The following ATP2A2 variants were observed in gnomAD, a reference collection of about 807,000 sequenced individuals.
ATP2A2 encodes the protein ATPase sarcoplasmic/endoplasmic reticulum Ca2+ transporting 2, also known as sarcoplasmic/endoplasmic reticulum calcium ATPase 2.
In ATP2A2, 14 loss-of-function variants were observed where a neutral mutation model predicts 109.3. The ratio of observed to expected loss-of-function variants is 0.13; its 90% CI spans 0.08 to 0.20. The LOEUF is 0.20. Ranked by LOEUF, ATP2A2 falls within the 10% of genes least tolerant of loss-of-function variation. The probability of loss-of-function intolerance (pLI) is 1.00; values close to 1 mark genes in which losing one functional copy is unlikely to be tolerated. For synonymous variants in ATP2A2, 506 were observed against 490.9 expected, an observed-to-expected ratio of 1.03 and a Z score of -0.41; for missense variants, 657 against 1,321.6, an observed-to-expected ratio of 0.50 and a Z score of 7.80.
At chr12:110,305,161 T>C (rs527673707) in intron 5 of ATP2A2, among the ~76,000 whole-genome samples, 1 of 152,282 alleles carries the variant, frequency 6.6e-6, no homozygotes, top group Admixed American at 6.5e-5. Flanking sequence ...CTTGAACTCC[T>C]GACTTCAAAT....
chr12:110,324,170 A>G (rs1877528358), intron 6 of ATP2A2, among the ~76,000 whole-genome samples: 1 of 152,250 alleles, frequency 6.6e-6, no homozygotes, highest in African/African-American at 2.4e-5. Context: ...AATAGTAAAC[A>G]TAAAGTCTAA....
At chr12:110,334,737 G>A (rs1226743960) in intron 11 of ATP2A2, among the ~76,000 whole-genome samples, 1 of 151,842 alleles carries the variant, frequency 6.6e-6, no homozygotes, top group Non-Finnish European at 1.5e-5. Context: ...ACAGGCACAC[G>A]CCACCACGCC....
At chr12:110,335,186 C>T (rs889962328) in intron 11 of ATP2A2, among the ~76,000 whole-genome samples, 3 of 152,192 alleles carry the variant, frequency 2.0e-5, no homozygotes, top group African/African-American at 7.2e-5. Context: ...GCCAAGACCA[C>T]CATACTGGAC....
In ATP2A2 at chr12:110,340,626, C is replaced by T. The variant is rs760173296; in HGVS notation, c.1762-33C>T. 12 of 1,606,376 alleles carry T rather than the reference C, an allele frequency of 7.5e-6. No individual in the cohort carries two copies. In the South Asian group the frequency reaches 1.3e-4, roughly 18 times the overall value. The stretch of plus-strand genomic sequence containing the variant: ...ACTAGGGGACAAAAACTAGAACTTG[C>T]CACTTTTATTTAAAGTGATGCTCTT... On this transcript the variant is annotated intron_variant, in intron 13 of 19. Transcript: ENST00000539276. This position sits in a 1 kb window ranked among gnomAD's most constrained non-coding sequence, Gnocchi z 6.0.
chr12:110,309,877 C>T (rs974800617), intron 5 of ATP2A2, among the ~76,000 whole-genome samples: 1 of 150,942 alleles, frequency 6.6e-6, no homozygotes, highest in Non-Finnish European at 1.5e-5. Flanking sequence ...CCACTGCACT[C>T]CAGCGTGGGC....
intron 11 of ATP2A2, among the ~76,000 whole-genome samples, chr12:110,336,419 C>G (rs1400820089): frequency 2.0e-5 from 3 of 152,172 alleles, no homozygotes; most frequent in African/African-American, 7.2e-5. Context: ...TTCATCCCTT[C>G]CTGGATAATA....
Position 110,342,497 on chromosome 12 carries a change from G to A in ATP2A2, c.2318+49G>A. 6.3e-7 allele frequency: 1 copy of A among 1,587,236 alleles called. No homozygotes were observed. The highest frequency in any genetic ancestry group is 8.6e-7 in the Non-Finnish European group (1 of 1,160,176). ...TTACTGTACGCCTTTATCTAAATGG[G>A]TCATGGAGCCCAGTTCTCGCAGTTT... is the stretch of plus-strand genomic sequence containing the variant. On this transcript the variant is annotated intron_variant, in intron 15 of 19. Coordinates refer to ENST00000539276, the MANE Select transcript of ATP2A2 (RefSeq NM_170665.4). The surrounding 1 kb of genome is among the most constrained non-coding windows in gnomAD (Gnocchi z 4.6).
rs528087628 is a variant in ATP2A2, at chr12:110,288,290, C to T, written c.220-3730C>T. Among the ~76,000 whole-genome samples, 17 of 151,838 alleles carry T rather than the reference C, an allele frequency of 1.1e-4. 1 individual carries two copies. The highest frequency in any genetic ancestry group is 3.9e-4 in the African/African-American group (16 of 41,362). ...TTAAAAAAAAATTTTTTTTTATACA[C>T]ATAGGGTCTCACTATGTTACTCAAG... On this transcript the variant is annotated intron_variant, in intron 3 of 19. Coordinates refer to ENST00000539276, the MANE Select transcript of ATP2A2 (RefSeq NM_170665.4).
chr12:110,320,033 G>A (rs1055435139), intron 5 of ATP2A2, among the ~76,000 whole-genome samples: 2 of 152,066 alleles, frequency 1.3e-5, no homozygotes, highest in African/African-American at 4.8e-5. Context: ...TTTTGGGTAA[G>A]GGATACTCAA....
Position 110,347,029 on chromosome 12 carries a change from ACCCCACCTCT to A in ATP2A2, c.*568_*577del. The A allele has an allele frequency of 2.7e-6, 1 of 367,860 alleles. No individual in the cohort carries two copies. The highest frequency in any genetic ancestry group is 3.3e-6 in the Non-Finnish European group (1 of 298,820). The allele number at this position is 367,860 out of a possible 1,614,324, so 22.8% of individuals were successfully genotyped here. ...CTTTGGCCTCCGTTCACCCCACCCC[ACCCCACCTCT>A]CCCCACCTTACCCCCGCCCCGCTTG... On this transcript the variant is annotated 3_prime_UTR_variant, in exon 20 of 20. Transcript: ENST00000539276.
chr12:110,329,016 TAG>T (rs1463108200), intron 8 of ATP2A2, among the ~76,000 whole-genome samples: 1 of 152,218 alleles, frequency 6.6e-6, no homozygotes, highest in African/African-American at 2.4e-5. Context: ...AAAAAGTAGA[TAG>T]TCATCTCTCT....
intron 14 of ATP2A2, among the ~76,000 whole-genome samples, 174 bp downstream of exon 14, chr12:110,341,168 G>A (rs1009622324): frequency 3.3e-5 from 5 of 152,166 alleles, no homozygotes; most frequent in Admixed American, 6.5e-5. Context: ...GCTACTTGCA[G>A]GGAAGATCCT....
At chr12:110,316,841 C>T (rs1023938458) in intron 5 of ATP2A2, among the ~76,000 whole-genome samples, 5 of 152,096 alleles carry the variant, frequency 3.3e-5, no homozygotes, top group African/African-American at 1.2e-4. Flanking sequence ...GTGTGTGATG[C>T]TCAGAGGGAG....
intron 5 of ATP2A2, among the ~76,000 whole-genome samples, chr12:110,299,458 T>TA (rs1373477470): frequency 3.3e-5 from 5 of 152,156 alleles, no homozygotes. Context: ...TAGTGGCTCT[T>TA]AAGCAGGAGT....
At chr12:110,282,936 C>T (rs528149883) in intron 3 of ATP2A2, 141 bp downstream of exon 3, 8 of 787,246 alleles carry the variant, frequency 1.0e-5, no homozygotes, top group South Asian at 1.6e-5. Context: ...ACAATCTGGG[C>T]ATTTTAAAAT....
chr12:110,281,688 G>A lies in ATP2A2; in HGVS notation c.-102G>A, dbSNP rs1412958266. ...AAGAGGAGGAGGGGAGAGCCCGTCC[G>A]CGCCTGGGCTCCCGGGGTGGCACGA... On this transcript the variant is annotated 5_prime_UTR_variant, in exon 1 of 20. Coordinates refer to ENST00000539276, the MANE Select transcript of ATP2A2 (RefSeq NM_170665.4). 2 of 752,110 alleles carry A rather than the reference G, an allele frequency of 2.7e-6. No homozygotes were observed. Among genetic ancestry groups the A allele is most frequent in the South Asian group, 2.6e-5 (1 of 37,906 alleles). The allele number at this position is 752,110 out of a possible 1,614,324, so 46.6% of individuals were successfully genotyped here.
chr12:110,286,571 G>A (rs1872682254), intron 3 of ATP2A2, among the ~76,000 whole-genome samples: 1 of 152,080 alleles, frequency 6.6e-6, no homozygotes, highest in Non-Finnish European at 1.5e-5. Context: ...AGAAGGGAAC[G>A]AGTTCTAATT....
Position 110,339,825 on chromosome 12 carries a change from AAG to A in ATP2A2, c.1761+107_1761+108del, listed in dbSNP as rs1879180021. The A allele has an allele frequency of 2.3e-6, 3 of 1,284,378 alleles. No individual in the cohort carries two copies. Among genetic ancestry groups the A allele is most frequent in the Non-Finnish European group, 3.3e-6 (3 of 903,686 alleles). The allele number at this position is 1,284,378 out of a possible 1,614,324, so 79.6% of individuals were successfully genotyped here. On this transcript the variant is annotated intron_variant, in intron 13 of 19. Coordinates refer to ENST00000539276, the MANE Select transcript of ATP2A2 (RefSeq NM_170665.4). This position sits in a 1 kb window ranked among gnomAD's most constrained non-coding sequence, Gnocchi z 4.4. Reference sequence around the variant, plus strand: ...CAAACAGTTCTCACTTTTGCCAAGAAAGAGGTGTGGTTATTTGTTTTTCTGCC... The same window carrying A: ...CAAACAGTTCTCACTTTTGCCAAGAAAGGTGTGGTTATTTGTTTTTCTGCC...
At position 110,349,217 on chromosome 12, in the gene ATP2A2, A is replaced by T; in HGVS notation, c.*2747A>T. 1.0e-6 allele frequency: 1 copy of T among 985,544 alleles called. No homozygotes were observed. The highest frequency in any genetic ancestry group is 1.2e-6 in the Non-Finnish European group (1 of 830,008). 61.0% of individuals were successfully genotyped at this position (985,544 alleles called of 1,614,324 possible). On this transcript the variant is annotated 3_prime_UTR_variant, in exon 20 of 20. Transcript: ENST00000539276. ...CAGCATCTCCTCCTCAGGTCAACCCATAAAGACCAGGTCCAGCACCGTGGT... is the reference window on the plus strand; with the variant it reads ...CAGCATCTCCTCCTCAGGTCAACCCTTAAAGACCAGGTCCAGCACCGTGGT...
Sources: allele counts gnomAD v4.1 joint callset (sites outside exome capture counted in the v4.1 genomes callset), GRCh38; gene constraint gnomAD v4.1.1; non-coding constraint Gnocchi (gnomAD v3.1); transcripts MANE v1.5; gene names NCBI Gene and HGNC (gene_info 2026-07-23, HGNC 2026-07-21).